LRRC4C: variants seen among roughly 807,000 people sequenced by gnomAD.
LRRC4C encodes the protein leucine-rich repeat-containing protein 4C.
LRRC4C carries 5 observed loss-of-function variants against 33.6 expected under a neutral mutation model. The observed-to-expected ratio is 0.15, with a 90% CI of 0.08 to 0.31. The LOEUF (loss-of-function observed/expected upper bound fraction) is 0.31. Among genes scored for constraint, LRRC4C ranks in the 10% least tolerant of loss-of-function variants. The probability of loss-of-function intolerance (pLI) is 1.00; values close to 1 mark genes in which losing one functional copy is unlikely to be tolerated. For missense variants in LRRC4C, 560 were observed against 796.7 expected (o/e 0.70, Z 3.58); for synonymous variants, 329 against 302.0 (o/e 1.09, Z -0.93).
intron 1 of LRRC4C, among the ~76,000 whole-genome samples, chr11:41,133,051 C>T (rs954721487): frequency 1.3e-4 from 20 of 152,120 alleles, no homozygotes; most frequent in African/African-American, 3.4e-4. Flanking sequence ...CTTTAGGTAG[C>T]GAGGGCCTGA....
intron 1 of LRRC4C, among the ~76,000 whole-genome samples, chr11:41,395,220 C>T (rs1049053268): frequency 6.6e-6 from 1 of 151,978 alleles, no homozygotes; most frequent in Non-Finnish European, 1.5e-5. Context: ...TATTCTTGAG[C>T]ACATGTGAAC....
intron 4 of LRRC4C, among the ~76,000 whole-genome samples, chr11:40,257,103 A>G (rs1867268456): frequency 6.6e-6 from 1 of 152,154 alleles, no homozygotes; most frequent in Non-Finnish European, 1.5e-5. Flanking sequence ...CATTACTGCA[A>G]TAAGTTGACC....
chr11:40,939,301 A>C (rs1295602007), intron 1 of LRRC4C, among the ~76,000 whole-genome samples: 2 of 152,204 alleles, frequency 1.3e-5, no homozygotes, highest in Non-Finnish European at 2.9e-5. Context: ...TGCTCACATA[A>C]AATGGCTAAA....
At chr11:40,260,617 C>G (rs1402091548) in intron 4 of LRRC4C, among the ~76,000 whole-genome samples, 1 of 151,880 alleles carries the variant, frequency 6.6e-6, no homozygotes, top group East Asian at 1.9e-4. Flanking sequence ...GGTGCAAGAA[C>G]TATAAAATTA....
At chr11:41,434,534 G>T (rs1323313347) in intron 1 of LRRC4C, among the ~76,000 whole-genome samples, 1 of 152,086 alleles carries the variant, frequency 6.6e-6, no homozygotes, top group Non-Finnish European at 1.5e-5. Flanking sequence ...ATACAGGGAA[G>T]GACGTACATC....
Position 40,670,660 on chromosome 11 carries a change from A to G in LRRC4C, c.-406-22382T>C, listed in dbSNP as rs969760136. Among the ~76,000 whole-genome samples the G allele has an allele frequency of 2.0e-5, 3 of 152,226 alleles. No individual in the cohort carries two copies. In the South Asian group the frequency reaches 6.2e-4, roughly 31 times the overall value. ...TAGATGTAGGGAAAAAAGGGTACATACCAAAATGTCATTAGTCAGTTTGGC... is the reference window on the plus strand; with the variant it reads ...TAGATGTAGGGAAAAAAGGGTACATGCCAAAATGTCATTAGTCAGTTTGGC... On this transcript the variant is annotated intron_variant, in intron 2 of 6. Coordinates refer to ENST00000528697, the MANE Select transcript of LRRC4C (RefSeq NM_001258419.2).
rs551200315 is a variant in LRRC4C at position 40,880,715 on chromosome 11, G to A, written c.-407+52920C>T. 2.6e-5 allele frequency among the ~76,000 whole-genome samples: 4 copies of A among 151,614 alleles called. No homozygotes were observed. The South Asian group carries it at 8.3e-4, about 32-fold the overall frequency. ...TAATAATTTCAAAGGAGTGTTAAGT[G>A]CAAATAATATATTCCAGTATCTGAG... On this transcript the variant is annotated intron_variant, in intron 2 of 6. Transcript: ENST00000528697.
chr11:40,294,233 G>A (rs879268904), intron 4 of LRRC4C: 1 of 152,204 alleles, frequency 6.6e-6, no homozygotes, highest in South Asian at 2.1e-4. Flanking sequence ...GGGAAGAGGG[G>A]ATTGGAGCTT....
chr11:40,329,384 T>G (rs1007967465), intron 3 of LRRC4C, among the ~76,000 whole-genome samples: 1 of 152,060 alleles, frequency 6.6e-6, no homozygotes, highest in African/African-American at 2.4e-5. Context: ...ACGGAAACAG[T>G]GCTGTAAACT....
intron 1 of LRRC4C, among the ~76,000 whole-genome samples, chr11:41,390,760 T>C (rs1190238882): frequency 1.3e-5 from 2 of 151,800 alleles, no homozygotes; most frequent in Non-Finnish European, 2.9e-5. Context: ...AAATATATAA[T>C]ACTATGAGAA....
chr11:40,579,438 C>T (rs1958365988), intron 3 of LRRC4C, among the ~76,000 whole-genome samples: 1 of 147,320 alleles, frequency 6.8e-6, no homozygotes, highest in Admixed American at 6.9e-5. Context: ...ATGGTGGTCT[C>T]ACTGTATTTA....
chr11:40,959,964 G>T (rs1850864002), intron 1 of LRRC4C, among the ~76,000 whole-genome samples: 1 of 151,812 alleles, frequency 6.6e-6, no homozygotes, highest in East Asian at 1.9e-4. Flanking sequence ...AATGTTAGAT[G>T]ATAGTAATTC....
chr11:40,442,475 A>T (rs1222465983), intron 3 of LRRC4C, among the ~76,000 whole-genome samples: 3 of 152,190 alleles, frequency 2.0e-5, no homozygotes, highest in Non-Finnish European at 4.4e-5. Flanking sequence ...TATATAAATA[A>T]TTGAAATGTG....
chr11:40,192,141 T>C (rs925082133), intron 5 of LRRC4C, among the ~76,000 whole-genome samples: 1 of 152,032 alleles, frequency 6.6e-6, no homozygotes, highest in African/African-American at 2.4e-5. Context: ...ATTTCAAGGA[T>C]AATAAAATAG....
intron 2 of LRRC4C, among the ~76,000 whole-genome samples, chr11:40,859,006 C>T (rs1953943231): frequency 6.6e-6 from 1 of 152,096 alleles, no homozygotes; most frequent in Admixed American, 6.5e-5. Context: ...AATTTTCAGA[C>T]CCAGTAGTTT....
intron 1 of LRRC4C, among the ~76,000 whole-genome samples, chr11:41,190,213 C>T (rs2136205945): frequency 6.6e-6 from 1 of 152,220 alleles, no homozygotes; most frequent in South Asian, 2.1e-4. Flanking sequence ...ATCACTTGTC[C>T]TTCCACCTGA....
chr11:40,293,577 T>C (rs1565240710), intron 4 of LRRC4C: 1 of 145,058 alleles, frequency 6.9e-6, no homozygotes, highest in Non-Finnish European at 1.5e-5. Context: ...GACAGGGTGG[T>C]AGGCAAATTA....
intron 1 of LRRC4C, among the ~76,000 whole-genome samples, chr11:41,304,238 G>A (rs1220225654): frequency 3.6e-4 from 44 of 121,930 alleles, no homozygotes; most frequent in Non-Finnish European, 3.0e-4. Flanking sequence ...TCAGCCCTCC[G>A]CCCAGCCAGC....
intron 2 of LRRC4C, among the ~76,000 whole-genome samples, chr11:40,895,800 A>G (rs927496892): frequency 6.6e-6 from 1 of 152,186 alleles, no homozygotes; most frequent in African/African-American, 2.4e-5. Flanking sequence ...ATTATCTGCT[A>G]ATAATTAGGT....
Sources: gnomAD v4.1 joint callset for allele counts (sites outside exome capture counted in the v4.1 genomes callset) on GRCh38, gnomAD v4.1.1 for gene constraint, MANE v1.5 for transcripts, NCBI Gene and HGNC (gene_info 2026-07-23, HGNC 2026-07-21) for gene names.